Variants in POU3F3 observed in about 807,000 individuals in gnomAD.
The protein encoded by POU3F3 is POU domain, class 3, transcription factor 3.
In POU3F3, 1 loss-of-function variant was observed where a neutral mutation model predicts 8.6. The observed-to-expected ratio is 0.12, with a 90% CI of 0.04 to 0.55. POU3F3 has a LOEUF of 0.55. Among genes scored for constraint, POU3F3 ranks in the 20% least tolerant of loss-of-function variants. The probability of loss-of-function intolerance (pLI) is 0.91; values close to 1 mark genes in which losing one functional copy is unlikely to be tolerated. For missense variants in POU3F3, 577 were observed against 690.7 expected, an observed-to-expected ratio of 0.84 and a Z score of 1.84; for synonymous variants, 418 against 327.4, an observed-to-expected ratio of 1.28 and a Z score of -2.99.
Position 104,855,550 on chromosome 2 carries a change from A to T in POU3F3, c.40A>T (p.Ser14Cys). The T allele has an allele frequency of 9.7e-7, 1 of 1,029,420 alleles. No homozygotes were observed. The highest frequency in any genetic ancestry group is 1.2e-6 in the Non-Finnish European group (1 of 861,174). 63.8% of individuals were successfully genotyped at this position (1,029,420 alleles called of 1,614,324 possible). Residue 14 changes from serine to cysteine, a missense_variant, in exon 1 of 1, where the codon AGC (serine) becomes TGC (cysteine). Around this residue, in one of 7 missense-constraint regions of POU3F3, gnomAD observed 484 missense variants for 422.6 expected, o/e 1.15. Coordinates refer to ENST00000361360, the MANE Select transcript of POU3F3 (RefSeq NM_006236.3). ...AASNPYLPGNSLLAAGSIVHS... is the reference protein window; with the variant it reads ...AASNPYLPGNCLLAAGSIVHS... The stretch of plus-strand genomic sequence containing the variant: ...TTCTAACCCCTACCTGCCGGGGAAC[A>T]GCCTGCTCGCGGCCGGCTCTATTGT...
the POU3F3 span, among the ~76,000 whole-genome samples, chr2:104,909,403 C>T: frequency 8.5e-5 from 13 of 152,244 alleles, no homozygotes; most frequent in Admixed American, 6.5e-4. Context: ...AAAAGGAAGA[C>T]TCCTTTAACG....
the POU3F3 span, among the ~76,000 whole-genome samples, chr2:104,915,685 G>C: frequency 6.6e-6 from 1 of 151,704 alleles, no homozygotes; most frequent in South Asian, 2.1e-4. Context: ...AATCCCTCAA[G>C]CCAACCACTG....
the POU3F3 span, among the ~76,000 whole-genome samples, chr2:104,903,652 G>C: frequency 1.3e-5 from 2 of 152,180 alleles, no homozygotes; most frequent in Non-Finnish European, 2.9e-5. Flanking sequence ...ATGGCACCAG[G>C]CATATGTGTC....
chr2:104,856,024 C>G lies in POU3F3; in HGVS notation c.514C>G (p.Leu172Val). ...GCTGCACCACCGCGGGCCGCCGCAC[C>G]TCGGACCCCCGCCGCCGCCCCCACA... ...TALHHRGPPH[L>V]GPPPPPPHQG... The change falls in exon 1 of 1, where the codon CTC becomes GTC. Residue 172 changes from leucine (L) to valine (V), a missense_variant. By Grantham distance (32) the Leu-to-Val change is conservative. Coordinates refer to ENST00000361360, the MANE Select transcript of POU3F3 (RefSeq NM_006236.3). 1 of 987,354 alleles carries G rather than the reference C, an allele frequency of 1.0e-6. No individual in the cohort carries two copies. Among genetic ancestry groups the G allele is most frequent in the Non-Finnish European group, 1.2e-6 (1 of 834,114 alleles). The allele number at this position is 987,354 out of a possible 1,614,324, so 61.2% of individuals were successfully genotyped here.
At chr2:104,868,605 T>G in the POU3F3 span, among the ~76,000 whole-genome samples, 7 of 152,116 alleles carry the variant, frequency 4.6e-5, no homozygotes, top group African/African-American at 1.7e-4. Context: ...AGACACCTTC[T>G]CTATCCACCC....
At chr2:104,919,771 C>G in the POU3F3 span, among the ~76,000 whole-genome samples, 1 of 151,910 alleles carries the variant, frequency 6.6e-6, no homozygotes, top group African/African-American at 2.4e-5. Context: ...CTCTTCTCCT[C>G]CCTTGTCTCC....
At chr2:104,897,251 A>C in the POU3F3 span, among the ~76,000 whole-genome samples, 1 of 152,174 alleles carries the variant, frequency 6.6e-6, no homozygotes, top group East Asian at 1.9e-4. Flanking sequence ...AGCTACTAAG[A>C]GTCAGAATGA....
chr2:104,884,723 T>C, the POU3F3 span, among the ~76,000 whole-genome samples: 1 of 152,134 alleles, frequency 6.6e-6, no homozygotes, highest in Non-Finnish European at 1.5e-5. Context: ...CAGTCAGCCA[T>C]GTAGTCTTGT....
At chr2:104,896,308 A>C in the POU3F3 span, among the ~76,000 whole-genome samples, 3 of 152,154 alleles carry the variant, frequency 2.0e-5, no homozygotes, top group African/African-American at 7.2e-5. Context: ...TGATGGCCCC[A>C]GCCACCTGCA....
At chr2:104,920,517 G>A in the POU3F3 span, among the ~76,000 whole-genome samples, 39 of 152,164 alleles carry the variant, frequency 2.6e-4, no homozygotes, top group South Asian at 8.3e-4. Context: ...AAATTGACCC[G>A]ACCAATTTTC....
chr2:104,860,889 C>T (rs1055010770), downstream of POU3F3, among the ~76,000 whole-genome samples: 2 of 149,940 alleles, frequency 1.3e-5, no homozygotes, highest in Non-Finnish European at 2.9e-5. Context: ...CATGACCATG[C>T]TCATAATCTG....
chr2:104,885,816 A>C, the POU3F3 span, among the ~76,000 whole-genome samples: 1 of 149,438 alleles, frequency 6.7e-6, no homozygotes, highest in Non-Finnish European at 1.5e-5. Context: ...TTTTTTTTTG[A>C]GACAAAGTCT....
the POU3F3 span, among the ~76,000 whole-genome samples, chr2:104,918,359 G>A: frequency 6.6e-6 from 1 of 152,242 alleles, no homozygotes; most frequent in African/African-American, 2.4e-5. Flanking sequence ...GTTATGGGTT[G>A]AATTGGGTCT....
downstream of POU3F3, among the ~76,000 whole-genome samples, chr2:104,862,508 G>A (rs1361980571): frequency 6.6e-6 from 1 of 151,956 alleles, no homozygotes; most frequent in African/African-American, 2.4e-5. Flanking sequence ...AGGGGGACCC[G>A]AGGCAGCCGG....
downstream of POU3F3, among the ~76,000 whole-genome samples, chr2:104,862,497 G>T (rs1052124326): frequency 2.6e-5 from 4 of 152,090 alleles, no homozygotes; most frequent in Non-Finnish European, 5.9e-5. Context: ...GGCGGAGGGG[G>T]AGGGGGACCC....
At chr2:104,867,993 G>A in the POU3F3 span, 1 of 339,170 alleles carries the variant, frequency 2.9e-6, no homozygotes, top group East Asian at 7.8e-5. The surrounding 1 kb of genome is among the most constrained non-coding windows in gnomAD (Gnocchi z 5.0). Context: ...AGAACTCTGG[G>A]GTAACCCTGG....
downstream of POU3F3, among the ~76,000 whole-genome samples, chr2:104,861,336 A>G (rs145898150): frequency 6.8e-4 from 104 of 152,370 alleles, 1 homozygote; most frequent in African/African-American, 2.4e-3. Flanking sequence ...TGCAACAAGT[A>G]TTGGCACTGG....
At chr2:104,908,263 G>C in the POU3F3 span, among the ~76,000 whole-genome samples, 1 of 152,078 alleles carries the variant, frequency 6.6e-6, no homozygotes. Flanking sequence ...TCACTTTCCA[G>C]GGCTGTCATT....
chr2:104,884,287 A>C, the POU3F3 span, among the ~76,000 whole-genome samples: 1 of 152,184 alleles, frequency 6.6e-6, no homozygotes, highest in East Asian at 1.9e-4. Flanking sequence ...TAGAGGTTAG[A>C]TGCACCCAGC....
Sources: gnomAD v4.1 joint callset for allele counts (sites outside exome capture counted in the v4.1 genomes callset) on GRCh38, gnomAD v4.1.1 for gene constraint, gnomAD v4.1.1 regional missense constraint, Gnocchi (gnomAD v3.1) non-coding constraint, MANE v1.5 for transcripts, NCBI Gene and HGNC (gene_info 2026-07-23, HGNC 2026-07-21) for gene names.